The following TCF20 variants were observed in gnomAD, a reference collection of about 807,000 sequenced individuals.
TCF20 encodes SPRE-binding protein.
Under a neutral mutation model 148.6 loss-of-function variants are expected in TCF20, and 3 were observed. That is an observed-to-expected ratio of 0.02 (90% confidence interval 0.01 to 0.05). The LOEUF is 0.05. TCF20 is among the 10% of genes least tolerant of loss of function. The pLI, the probability that TCF20 is intolerant of heterozygous loss-of-function variation, is 1.00. For missense variants in TCF20, 2,350 were observed against 2,429.3 expected (o/e 0.97, Z 0.69); for synonymous variants, 1,049 against 909.5 (o/e 1.15, Z -2.76).
At chr22:42,183,097 T>C (rs993877462) in intron 2 of TCF20, among the ~76,000 whole-genome samples, 1 of 152,200 alleles carries the variant, frequency 6.6e-6, no homozygotes, top group Non-Finnish European at 1.5e-5. Flanking sequence ...CAGGCTATTC[T>C]GATGTACAAT....
rs144470006 is a variant in TCF20, at chr22:42,281,009, A to G, written c.-37+2818T>C. Among the ~76,000 whole-genome samples, 53 of 152,166 alleles carry G rather than the reference A, an allele frequency of 3.5e-4. 1 individual carries two copies. The East Asian group carries it at 9.9e-3, about 28-fold the overall frequency. On this transcript the variant is annotated intron_variant, in intron 1 of 5. Transcript: ENST00000359486. ...ACGTTGGCCACCCCTCTGTGCTGCC[A>G]TCTCCGTTGGGGATAGGTCTGGGGG...
At chr22:42,177,063 T>TTA (rs989910135) in intron 3 of TCF20, among the ~76,000 whole-genome samples, 2 of 152,106 alleles carry the variant, frequency 1.3e-5, no homozygotes, top group African/African-American at 4.8e-5. Flanking sequence ...TCTGATCATT[T>TTA]TATATATATA....
At chr22:42,278,160 C>G (rs1314102184) in intron 1 of TCF20, 1 of 152,272 alleles carries the variant, frequency 6.6e-6, no homozygotes, top group Non-Finnish European at 1.5e-5. Flanking sequence ...CAGTATGACC[C>G]TGCCCAGGCA....
At chr22:42,271,037 T>C (rs780134633), upstream of TCF20, among the ~76,000 whole-genome samples, 2 of 151,960 alleles carry the variant, frequency 1.3e-5, no homozygotes, top group Non-Finnish European at 2.9e-5. Context: ...AACTCCAGAA[T>C]CGCGCCTCTT....
intron 1 of TCF20, among the ~76,000 whole-genome samples, chr22:42,324,188 T>C (rs1209667473): frequency 6.8e-6 from 1 of 147,724 alleles, no homozygotes; most frequent in Non-Finnish European, 1.5e-5. Context: ...GAGGTTATGG[T>C]GGTGGTGGTG....
chr22:42,296,151 G>A (rs922039651), intron 1 of TCF20, among the ~76,000 whole-genome samples: 8 of 152,298 alleles, frequency 5.3e-5, no homozygotes, highest in South Asian at 2.1e-4. Flanking sequence ...CCTGGCAGGT[G>A]AGTGCTTGGC....
chr22:42,339,311 G>A (rs1817247494), intron 1 of TCF20, among the ~76,000 whole-genome samples: 1 of 152,232 alleles, frequency 6.6e-6, no homozygotes, highest in African/African-American at 2.4e-5. Context: ...ATATATCCAA[G>A]GCCACACAGC....
At position 42,216,462 on chromosome 22, in the gene TCF20, C is replaced by T. The variant is rs1005335740; in HGVS notation, c.-36-1121G>A. Among the ~76,000 whole-genome samples the T allele has an allele frequency of 1.1e-4, 16 of 152,274 alleles. No individual in the cohort carries two copies. In the South Asian group the frequency reaches 1.7e-3, roughly 16 times the overall value. On this transcript the variant is annotated intron_variant, in intron 1 of 5. Coordinates refer to ENST00000677622, the MANE Select transcript of TCF20 (RefSeq NM_001378418.1). ...GGACACTCAGCCCATATGGGTTCCACACAAACTTTGGAGTCAACCTCTTCT... is the reference window on the plus strand; with the variant it reads ...GGACACTCAGCCCATATGGGTTCCATACAAACTTTGGAGTCAACCTCTTCT...
chr22:42,269,935 G>T, intron 1 of TCF20: 1 of 152,320 alleles, frequency 6.6e-6, no homozygotes. Flanking sequence ...CCCCGGGGCT[G>T]CCAGGGGCCC....
chr22:42,312,450 G>A (rs930030164), intron 1 of TCF20, among the ~76,000 whole-genome samples: 1 of 152,172 alleles, frequency 6.6e-6, no homozygotes. Flanking sequence ...GGGGCCCCAG[G>A]CCTCAGAGGA....
intron 1 of TCF20, among the ~76,000 whole-genome samples, chr22:42,327,938 G>T (rs1287630303): frequency 2.0e-5 from 3 of 151,800 alleles, no homozygotes; most frequent in Admixed American, 1.3e-4. Flanking sequence ...CTTGCACACT[G>T]TTTCCTGCTT....
At chr22:42,342,842 G>A (rs868029731) in intron 1 of TCF20, among the ~76,000 whole-genome samples, 2 of 152,244 alleles carry the variant, frequency 1.3e-5, no homozygotes, top group Middle Eastern at 3.4e-3. Context: ...CTCGGGCACC[G>A]TGGGGGTGTC....
Position 42,160,830 on chromosome 22 carries a change from TG to T in TCF20, c.*572del, listed in dbSNP as rs961583254. On this transcript the variant is annotated 3_prime_UTR_variant, in exon 6 of 6. Coordinates refer to ENST00000677622, the MANE Select transcript of TCF20 (RefSeq NM_001378418.1). ...CTGCTGTGGTTTGCTTTTTCAATCC[TG>T]GGTCTAGTGTTTTCTGAACTGGTGT... 1 of 152,186 alleles carries T rather than the reference TG, an allele frequency of 6.6e-6. No homozygotes were observed. The highest frequency in any genetic ancestry group is 2.4e-5 in the African/African-American group (1 of 41,382). The allele number at this position is 152,186 out of a possible 1,614,324, so 9.4% of individuals were successfully genotyped here.
intron 2 of TCF20, among the ~76,000 whole-genome samples, chr22:42,203,992 A>G (rs139442415): frequency 6.6e-6 from 1 of 152,312 alleles, no homozygotes; most frequent in East Asian, 1.9e-4. Flanking sequence ...TGGTGGCTCT[A>G]TTTTACAGTT....
In TCF20 at chr22:42,299,073, C is replaced by T. The variant is rs1003348942; in HGVS notation, c.-37+44406G>A. Reference sequence around the variant, plus strand: ...GGGTGGGCTCCAAGGGTTCCCACACCCACCGCCTGCCCAGACCCCTGCTGT... The same window carrying T: ...GGGTGGGCTCCAAGGGTTCCCACACTCACCGCCTGCCCAGACCCCTGCTGT... On this transcript the variant is annotated intron_variant, in intron 1 of 1. Transcript: ENST00000515426. The surrounding 1 kb of genome is among the most constrained non-coding windows in gnomAD (Gnocchi z 4.1). Among the ~76,000 whole-genome samples, 2 of 152,194 alleles carry T rather than the reference C, an allele frequency of 1.3e-5. No homozygotes were observed. The highest frequency in any genetic ancestry group is 2.9e-5 in the Non-Finnish European group (2 of 68,018).
chr22:42,219,988 A>G (rs774859932), intron 1 of TCF20, among the ~76,000 whole-genome samples: 1 of 152,212 alleles, frequency 6.6e-6, no homozygotes, highest in Non-Finnish European at 1.5e-5. Context: ...AGTGAGGTCC[A>G]GAACTCTGTG....
intron 1 of TCF20, among the ~76,000 whole-genome samples, chr22:42,225,023 A>G (rs1358476516): frequency 7.2e-6 from 1 of 139,552 alleles, no homozygotes. Flanking sequence ...TTTTTGAGAC[A>G]GAGTCTTACA....
At chr22:42,187,383 T>C (rs563366133) in intron 2 of TCF20, among the ~76,000 whole-genome samples, 1 of 152,234 alleles carries the variant, frequency 6.6e-6, no homozygotes, top group Non-Finnish European at 1.5e-5. Context: ...AATCAAAACA[T>C]GGCTCTGCTA....
In TCF20 at chr22:42,211,381, T is replaced by G; in HGVS notation, c.3925A>C (p.Lys1309Gln). ...YAHLSHSQDIKSIPKRDSSKD... is the reference protein window; with the variant it reads ...YAHLSHSQDIQSIPKRDSSKD... ...GAGGAATCTCTCTTAGGGATAGACTTGATATCCTGACTGTGAGAAAGATGG... is the reference window on the plus strand; with the variant it reads ...GAGGAATCTCTCTTAGGGATAGACTGGATATCCTGACTGTGAGAAAGATGG... The change falls in exon 2 of 6, where the codon AAG becomes CAG. Residue 1309 changes from lysine to glutamine, a missense_variant. Coordinates refer to ENST00000677622, the MANE Select transcript of TCF20 (RefSeq NM_001378418.1). 6.2e-7 allele frequency: 1 copy of G among 1,614,172 alleles called. No homozygotes were observed. Among genetic ancestry groups the G allele is most frequent in the Non-Finnish European group, 8.5e-7 (1 of 1,180,026 alleles).
Sources: allele counts gnomAD v4.1 joint callset (sites outside exome capture counted in the v4.1 genomes callset), GRCh38; gene constraint gnomAD v4.1.1; non-coding constraint Gnocchi (gnomAD v3.1); transcripts MANE v1.5; gene names NCBI Gene and HGNC (gene_info 2026-07-23, HGNC 2026-07-21).